Variants in DGKI observed in about 807,000 individuals in gnomAD.
DGKI encodes diacylglycerol kinase iota.
Under a neutral mutation model 147.5 loss-of-function variants are expected in DGKI, and 55 were observed. The observed-to-expected ratio is 0.37, with a 90% CI of 0.30 to 0.47. The LOEUF (loss-of-function observed/expected upper bound fraction) is 0.47, where lower values mean the gene tolerates loss of function less well. DGKI is among the 20% of genes least tolerant of loss of function. The pLI is 1.00. For synonymous variants in DGKI, 469 were observed against 477.1 expected (o/e 0.98, Z 0.22); for missense variants, 1,007 against 1,323.8 (o/e 0.76, Z 3.71).
intron 27 of DGKI, among the ~76,000 whole-genome samples, chr7:137,445,320 T>A (rs568253526): frequency 1.3e-5 from 2 of 152,292 alleles, no homozygotes; most frequent in South Asian, 4.1e-4. Flanking sequence ...TTATTTCAAC[T>A]GTGCAAATCT....
chr7:137,578,359 A>C, intron 15 of DGKI, 34 bp from the exon 16 acceptor site: 1 of 1,555,196 alleles, frequency 6.4e-7, no homozygotes, highest in Non-Finnish European at 8.9e-7. Flanking sequence ...TGTTATGGAG[A>C]CCTCACTAAA....
chr7:137,599,613 T>C (rs6949094), intron 11 of DGKI, among the ~76,000 whole-genome samples: 10,892 of 152,188 alleles, frequency 0.072, 551 homozygotes, highest in African/African-American at 0.14. Flanking sequence ...GTATCCTGAG[T>C]TAATAGCTGA....
intron 1 of DGKI, among the ~76,000 whole-genome samples, chr7:137,725,958 C>G (rs1794706513): frequency 6.6e-6 from 1 of 152,164 alleles, no homozygotes; most frequent in Non-Finnish European, 1.5e-5. Context: ...AGTACAGTAT[C>G]TAAAATTAGT....
intron 5 of DGKI, among the ~76,000 whole-genome samples, chr7:137,651,496 G>C (rs1330030719): frequency 1.3e-5 from 2 of 152,262 alleles, no homozygotes; most frequent in South Asian, 2.1e-4. Context: ...CATTTTTATG[G>C]TGATGGAAAT....
intron 6 of DGKI, among the ~76,000 whole-genome samples, chr7:137,632,386 C>A (rs890694002): frequency 2.0e-5 from 3 of 152,172 alleles, no homozygotes; most frequent in African/African-American, 7.2e-5. Flanking sequence ...CAGCAAGAGT[C>A]TATGGTAACA....
At chr7:137,487,082 G>A (rs1455238474) in intron 22 of DGKI, among the ~76,000 whole-genome samples, 2 of 151,968 alleles carry the variant, frequency 1.3e-5, no homozygotes, top group East Asian at 1.9e-4. Flanking sequence ...TGCCATATAC[G>A]GGGTCACTTC....
chr7:137,795,254 T>A (rs905234465), intron 1 of DGKI, among the ~76,000 whole-genome samples: 6 of 151,644 alleles, frequency 4.0e-5, no homozygotes, highest in Non-Finnish European at 8.8e-5. Flanking sequence ...ATCTCTGCAG[T>A]ACCCTTGAAA....
chr7:137,394,829 G>C (rs890281629), intron 32 of DGKI, among the ~76,000 whole-genome samples: 1 of 152,170 alleles, frequency 6.6e-6, no homozygotes, highest in Non-Finnish European at 1.5e-5. Context: ...AACCGATTTT[G>C]TTATGTGGCT....
chr7:137,742,586 G>A (rs999873621), intron 1 of DGKI, among the ~76,000 whole-genome samples: 43 of 152,124 alleles, frequency 2.8e-4, no homozygotes, highest in Non-Finnish European at 7.3e-5. Context: ...TCATTTCCAA[G>A]TCAGAGACAG....
intron 1 of DGKI, among the ~76,000 whole-genome samples, chr7:137,781,544 A>G (rs1796518859): frequency 6.6e-6 from 1 of 152,150 alleles, no homozygotes; most frequent in African/African-American, 2.4e-5. Context: ...AGAGAAGAAA[A>G]GGGGTGAAGG....
At chr7:137,677,679 C>T (rs1245456683) in intron 3 of DGKI, among the ~76,000 whole-genome samples, 1 of 152,028 alleles carries the variant, frequency 6.6e-6, no homozygotes, top group Non-Finnish European at 1.5e-5. Context: ...ATTTCAAGGC[C>T]CTACATCTTG....
chr7:137,496,366 C>A (rs182474013), intron 21 of DGKI, among the ~76,000 whole-genome samples: 2 of 151,790 alleles, frequency 1.3e-5, no homozygotes, highest in Non-Finnish European at 2.9e-5. Flanking sequence ...ATCAATATCA[C>A]CAAAATGGCC....
At chr7:137,584,496 CAT>C (rs1422740021) in intron 14 of DGKI, among the ~76,000 whole-genome samples, 1 of 152,094 alleles carries the variant, frequency 6.6e-6, no homozygotes. Flanking sequence ...TAAAAGAAAA[CAT>C]AAAGTCTGGA....
intron 1 of DGKI, among the ~76,000 whole-genome samples, chr7:137,811,343 CTT>C (rs1455971938): frequency 3.3e-4 from 49 of 146,274 alleles, no homozygotes; most frequent in Non-Finnish European, 1.8e-4. Flanking sequence ...GTCTGTCTCT[CTT>C]TCTCTCTCTC....
chr7:137,708,548 T>C (rs1366934856), intron 1 of DGKI, among the ~76,000 whole-genome samples: 3 of 152,220 alleles, frequency 2.0e-5, no homozygotes, highest in Non-Finnish European at 4.4e-5. Flanking sequence ...TCAATAAATA[T>C]ATTTAGCAAA....
At chr7:137,772,570 A>T (rs546625216) in intron 1 of DGKI, among the ~76,000 whole-genome samples, 23 of 152,238 alleles carry the variant, frequency 1.5e-4, no homozygotes, top group African/African-American at 5.5e-4. Context: ...TCTGTTCCCC[A>T]TCCTGCTCAC....
chr7:137,778,349 G>A (rs749494771), intron 1 of DGKI, among the ~76,000 whole-genome samples: 1 of 152,160 alleles, frequency 6.6e-6, no homozygotes, highest in Non-Finnish European at 1.5e-5. Context: ...TAGGATAAGT[G>A]AGGAGGAATC....
chr7:137,404,986 G>T (rs1223906160), intron 30 of DGKI, among the ~76,000 whole-genome samples: 1 of 152,124 alleles, frequency 6.6e-6, no homozygotes, highest in African/African-American at 2.4e-5. Context: ...AAACTCCAAG[G>T]CCTGTGAGCT....
At chr7:137,783,628 A>G (rs936195042) in intron 1 of DGKI, among the ~76,000 whole-genome samples, 1 of 152,222 alleles carries the variant, frequency 6.6e-6, no homozygotes, top group African/African-American at 2.4e-5. Flanking sequence ...CTCAAAGAAC[A>G]CCTGGGAAAT....
Sources: gnomAD v4.1 joint callset for allele counts (sites outside exome capture counted in the v4.1 genomes callset) on GRCh38, gnomAD v4.1.1 for gene constraint, MANE v1.5 for transcripts, NCBI Gene and HGNC (gene_info 2026-07-23, HGNC 2026-07-21) for gene names.